The following STKLD1 variants were observed in gnomAD, a reference collection of about 807,000 sequenced individuals.
STKLD1 encodes the protein serine/threonine kinase like domain containing 1.
A neutral mutation model predicts 80.4 loss-of-function variants in STKLD1; 79 were observed. The ratio of observed to expected loss-of-function variants is 0.98; its 90% CI spans 0.82 to 1.19. The LOEUF (loss-of-function observed/expected upper bound fraction) is 1.19. Ranked by LOEUF, STKLD1 falls within the 50% of genes most tolerant of loss-of-function variation. The probability of loss-of-function intolerance (pLI) is 0.00; values close to 1 mark genes in which losing one functional copy is unlikely to be tolerated. For synonymous variants in STKLD1, 393 were observed against 357.6 expected (o/e 1.10, Z -1.12); for missense variants, 841 against 856.0 (o/e 0.98, Z 0.22).
chr9:133,389,390 G>A lies in STKLD1; in HGVS notation c.397-136G>A, dbSNP rs2130284004. The A allele has an allele frequency of 8.9e-6, 13 of 1,460,334 alleles. No homozygotes were observed. Among genetic ancestry groups the A allele is most frequent in the Middle Eastern group, 1.8e-4 (1 of 5,586 alleles). The allele number at this position is 1,460,334 out of a possible 1,614,324, so 90.5% of individuals were successfully genotyped here. A position where few individuals can be genotyped will look rare whatever the true frequency, so the allele number is the denominator to read the frequency against. On this transcript the variant is annotated intron_variant, in intron 5 of 17. Transcript: ENST00000371957. This position sits in a 1 kb window ranked among gnomAD's most constrained non-coding sequence, Gnocchi z 6.4. ...CGCTGAAGCCTCCTCCACCCTGAGC[G>A]CTTGGCTGGCTTCAGGCCTGTCTCA...
chr9:133,392,551 A>G (rs201706511), intron 7 of STKLD1, among the ~76,000 whole-genome samples: 5,598 of 131,148 alleles, frequency 0.043, 293 homozygotes, highest in East Asian at 0.25. Flanking sequence ...GGATGGATGG[A>G]TGAGTGGATG....
chr9:133,393,171 G>A (rs1427797662), intron 7 of STKLD1, among the ~76,000 whole-genome samples: 24 of 138,216 alleles, frequency 1.7e-4, no homozygotes, highest in African/African-American at 6.0e-4. Context: ...AGGTGGGTGA[G>A]TGGATGGATT....
intron 7 of STKLD1, among the ~76,000 whole-genome samples, chr9:133,392,607 A>ATGGG (rs1564380047): frequency 1.4e-5 from 1 of 69,696 alleles, no homozygotes; most frequent in Non-Finnish European, 2.7e-5. Context: ...GGATGGGTGG[A>ATGGG]TGGATGGATG....
chr9:133,388,605 G>C (rs747476076), intron 5 of STKLD1: 2 of 321,232 alleles, frequency 6.2e-6, no homozygotes, highest in East Asian at 1.7e-4. Context: ...AATGGAGTTC[G>C]CTTTCCCAAT....
chr9:133,403,264 C>A (rs1030245815), intron 14 of STKLD1, among the ~76,000 whole-genome samples: 2 of 152,226 alleles, frequency 1.3e-5, no homozygotes, highest in Non-Finnish European at 2.9e-5. Context: ...GTGGGCAGAC[C>A]CCTCAGTTTT....
In STKLD1 at chr9:133,395,167, C is replaced by A. The variant is rs1838527237; in HGVS notation, c.703-433C>A. Reference sequence around the variant, plus strand: ...TGGTCTCCCAGACCCCCAGACTCCACCTCTGAGAAGCACCTTGCCACTCCC... The same window carrying A: ...TGGTCTCCCAGACCCCCAGACTCCAACTCTGAGAAGCACCTTGCCACTCCC... On this transcript the variant is annotated intron_variant, in intron 8 of 17. Transcript: ENST00000371957. Among the ~76,000 whole-genome samples, 3 of 152,332 alleles carry A rather than the reference C, an allele frequency of 2.0e-5. No individual in the cohort carries two copies. The South Asian group carries it at 6.2e-4, about 32-fold the overall frequency.
chr9:133,402,759 GC>G, intron 13 of STKLD1, 118 bp from the exon 14 acceptor site: 1 of 1,162,984 alleles, frequency 8.6e-7, no homozygotes, highest in Non-Finnish European at 1.2e-6. Context: ...ACACGACTTG[GC>G]CCAGAGCAGG....
chr9:133,400,558 C>A (rs782699545), intron 12 of STKLD1, 29 bp downstream of exon 12: 2 of 1,560,856 alleles, frequency 1.3e-6, no homozygotes, highest in South Asian at 1.1e-5. Flanking sequence ...CAGATGGGGT[C>A]GGGGAGGCTG....
rs2130249084 is a variant in STKLD1, at chr9:133,376,535, C to T, written c.62C>T (p.Pro21Leu). Residue 21 changes from proline (P) to leucine (L), a missense_variant, in exon 1 of 18, where the codon CCC becomes CTC. Physicochemically the swap from Pro to Leu is moderately conservative, Grantham distance 98 (BLOSUM62 -3). Coordinates refer to ENST00000371957, the MANE Select transcript of STKLD1 (RefSeq NM_153710.5). ...PTQGERGPGS[P>L]GEPMEKYQVL... ...CAGGGGGAGCGAGGCCCAGGGTCCC[C>T]CGGAGAGCCCATGGAGAAGTACCAG... 5.4e-5 allele frequency: 86 copies of T among 1,600,294 alleles called. No homozygotes were observed. The African/African-American group carries it at 1.0e-3, about 19-fold the overall frequency.
intron 2 of STKLD1, 26 bp from the exon 3 acceptor site, chr9:133,383,829 TA>T: frequency 6.2e-7 from 1 of 1,612,990 alleles, no homozygotes; most frequent in Non-Finnish European, 8.5e-7. Flanking sequence ...ACATGTTTAT[TA>T]AGCTCATGCT....
In STKLD1 at chr9:133,376,452, C is replaced by T; in HGVS notation, c.-22C>T. On this transcript the variant is annotated 5_prime_UTR_variant, in exon 1 of 18. Coordinates refer to ENST00000371957, the MANE Select transcript of STKLD1 (RefSeq NM_153710.5). ...GGTGGGGCCAGGGGTGGACGCTCGC[C>T]CGTACGCGGTCGCTACTGATCATGC... is the stretch of plus-strand genomic sequence containing the variant. 1 of 1,562,176 alleles carries T rather than the reference C, an allele frequency of 6.4e-7. No individual in the cohort carries two copies. The highest frequency in any genetic ancestry group is 8.6e-7 in the Non-Finnish European group (1 of 1,156,720).
intron 14 of STKLD1, 86 bp downstream of exon 14, chr9:133,403,098 C>A: frequency 7.4e-7 from 1 of 1,348,772 alleles, no homozygotes; most frequent in Non-Finnish European, 9.9e-7. Flanking sequence ...CCTTCGAGGA[C>A]CTCCATGTCC....
rs1272016975 is a variant in STKLD1, at chr9:133,401,753, C to T, written c.1214C>T (p.Pro405Leu). The T allele has an allele frequency of 1.7e-5, 28 of 1,612,538 alleles. No individual in the cohort carries two copies. The highest frequency in any genetic ancestry group is 2.2e-5 in the Non-Finnish European group (26 of 1,179,846). ...GCTTGAGCAGCGCTGGTGCACCACCCGGAAGCCAAGGCTCCCTGCAACCAA... is the reference window on the plus strand; with the variant it reads ...GCTTGAGCAGCGCTGGTGCACCACCTGGAAGCCAAGGCTCCCTGCAACCAA... ...HLLGQALVHH[P>L]EAKAPCNQAI... The change falls in exon 13 of 18, where the codon CCG (proline) becomes CTG (leucine). Residue 405 changes from proline (P) to leucine (L), a missense_variant. Physicochemically the swap from Pro to Leu is moderately conservative, Grantham distance 98 (BLOSUM62 -3). Transcript: ENST00000371957.
At chr9:133,402,595 C>A (rs772014695) in intron 13 of STKLD1, among the ~76,000 whole-genome samples, 54 of 152,340 alleles carry the variant, frequency 3.5e-4, no homozygotes, top group Non-Finnish European at 5.6e-4. Flanking sequence ...TCTGTGAGCC[C>A]AGGAGGCAGG....
intron 12 of STKLD1, among the ~76,000 whole-genome samples, chr9:133,401,246 C>T (rs1554777604): frequency 6.6e-6 from 1 of 151,126 alleles, no homozygotes. Flanking sequence ...TCAAGCGATT[C>T]TCCTGCCTCA....
chr9:133,383,289 ATGATG>A (rs2119210646), intron 2 of STKLD1, among the ~76,000 whole-genome samples: 1 of 52,976 alleles, frequency 1.9e-5, no homozygotes, highest in Non-Finnish European at 3.7e-5. Flanking sequence ...TGGTGGTGTG[ATGATG>A]TGATGGTGGT....
chr9:133,392,543 ATGGATGGATGAG>A (rs1838424788), intron 7 of STKLD1, among the ~76,000 whole-genome samples: 1 of 133,496 alleles, frequency 7.5e-6, no homozygotes, highest in Non-Finnish European at 1.6e-5. Context: ...GAGTGGATGG[ATGGATGGATGAG>A]TGGATGGATG....
chr9:133,379,913 T>G (rs1370390296), intron 2 of STKLD1, among the ~76,000 whole-genome samples: 1 of 152,254 alleles, frequency 6.6e-6, no homozygotes, highest in Non-Finnish European at 1.5e-5. Context: ...AGTCTCACCC[T>G]GTATGGCTGG....
At chr9:133,395,043 C>T (rs1554776511) in intron 8 of STKLD1, among the ~76,000 whole-genome samples, 1 of 152,172 alleles carries the variant, frequency 6.6e-6, no homozygotes, top group African/African-American at 2.4e-5. Flanking sequence ...GGAAGGCCTG[C>T]CATGCCCAAA....
Sources: gnomAD v4.1 joint callset for allele counts (sites outside exome capture counted in the v4.1 genomes callset) on GRCh38, gnomAD v4.1.1 for gene constraint, Gnocchi (gnomAD v3.1) non-coding constraint, MANE v1.5 for transcripts, NCBI Gene and HGNC (gene_info 2026-07-23, HGNC 2026-07-21) for gene names.